Variants in CACNA1D observed in about 807,000 individuals in gnomAD.
The protein encoded by CACNA1D is voltage-dependent L-type calcium channel subunit alpha-1D.
CACNA1D carries 55 observed loss-of-function variants against 257.1 expected under a neutral mutation model. The ratio of observed to expected loss-of-function variants is 0.21; its 90% CI spans 0.17 to 0.27. CACNA1D has a LOEUF of 0.27. CACNA1D is among the 10% of genes least tolerant of loss of function. The pLI is 1.00. For missense variants in CACNA1D, 1,876 were observed against 2,784.0 expected, an observed-to-expected ratio of 0.67 and a Z score of 7.34; for synonymous variants, 980 against 1,014.9, an observed-to-expected ratio of 0.97 and a Z score of 0.65.
chr3:53,776,724 A>C lies in CACNA1D; in HGVS notation c.4484A>C (p.Glu1495Ala). ...FKRIWSEYDP[E>A]AKGRIKHLDV... Reference sequence around the variant, plus strand: ...AGAATATGGTCAGAATATGACCCTGAGGCAAAGTAGGTTGAAAAATATTTG... The same window carrying C: ...AGAATATGGTCAGAATATGACCCTGCGGCAAAGTAGGTTGAAAAATATTTG... Residue 1495 changes from glutamate to alanine, a missense_variant, in exon 36 of 48, where the codon GAG becomes GCG. Glu to Ala is a moderately radical substitution (Grantham distance 107, BLOSUM62 -1). Around this residue, in one of 10 missense-constraint regions of CACNA1D, gnomAD observed 83 missense variants for 210.7 expected, o/e 0.39. Transcript: ENST00000350061. The C allele has an allele frequency of 6.2e-7, 1 of 1,614,202 alleles. No homozygotes were observed. Among genetic ancestry groups the C allele is most frequent in the Non-Finnish European group, 8.5e-7 (1 of 1,180,030 alleles).
At position 53,497,192 on chromosome 3, in the gene CACNA1D, T is replaced by C. The variant is rs1176373212; in HGVS notation, c.108T>C (p.Gly36=). ...GAGGCACCAGACTTCCTCTTTCTGG[T>C]GAAGGACCAACTTCTCAGCCGAATA... ...YARGTRLPLS[G]EGPTSQPNSS... The change falls in exon 2 of 48, where the codon GGT becomes GGC. Residue 36 remains glycine, a synonymous_variant. Coordinates refer to ENST00000350061, the MANE Select transcript of CACNA1D (RefSeq NM_001128840.3). 4.3e-6 allele frequency: 7 copies of C among 1,614,086 alleles called. No individual in the cohort carries two copies. The highest frequency in any genetic ancestry group is 1.1e-5 in the South Asian group (1 of 91,056).
At chr3:53,664,948 A>C (rs1257992502) in intron 5 of CACNA1D, among the ~76,000 whole-genome samples, 1 of 152,182 alleles carries the variant, frequency 6.6e-6, no homozygotes, top group Non-Finnish European at 1.5e-5. Context: ...GATTTACAGC[A>C]GACTTGCAAG....
chr3:53,744,594 G>A lies in CACNA1D; in HGVS notation c.2919-146G>A, dbSNP rs2304577. On this transcript the variant is annotated intron_variant, in intron 22 of 47. Coordinates refer to ENST00000350061, the MANE Select transcript of CACNA1D (RefSeq NM_001128840.3). ...GGGGAGGAGAAGTCGCCTCTGAGTC[G>A]TGAAGAGAGATCAGCTCAGCACCAC... 0.21 allele frequency: 151,367 copies of A among 722,344 alleles called. 21,638 individuals carry two copies. Among genetic ancestry groups the A allele is most frequent in the East Asian group, 0.58 (22,332 of 38,514 alleles). 44.7% of individuals were successfully genotyped at this position (722,344 alleles called of 1,614,324 possible).
chr3:53,539,387 C>A (rs1217450566), intron 3 of CACNA1D, among the ~76,000 whole-genome samples: 1 of 152,212 alleles, frequency 6.6e-6, no homozygotes, highest in Non-Finnish European at 1.5e-5. Flanking sequence ...GGATTACCAG[C>A]ATGAGCCACC....
At chr3:53,600,874 T>C (rs1034099306) in intron 3 of CACNA1D, among the ~76,000 whole-genome samples, 2 of 152,184 alleles carry the variant, frequency 1.3e-5, no homozygotes, top group African/African-American at 2.4e-5. Flanking sequence ...TGGTTCTGAA[T>C]GATTGAAACA....
chr3:53,552,644 G>A (rs1263438583), intron 3 of CACNA1D, among the ~76,000 whole-genome samples: 2 of 152,212 alleles, frequency 1.3e-5, no homozygotes, highest in Non-Finnish European at 2.9e-5. Context: ...GCCTCCCAAA[G>A]TGCTGGGGTT....
At chr3:53,569,956 C>T (rs557943297) in intron 3 of CACNA1D, among the ~76,000 whole-genome samples, 31 of 152,286 alleles carry the variant, frequency 2.0e-4, no homozygotes, top group African/African-American at 7.0e-4. Context: ...AGCATAATCT[C>T]TGGCATATAA....
intron 3 of CACNA1D, among the ~76,000 whole-genome samples, chr3:53,540,602 C>T (rs1283729754): frequency 6.6e-6 from 1 of 151,662 alleles, no homozygotes; most frequent in African/African-American, 2.4e-5. Flanking sequence ...TTTAAATTTC[C>T]TTTAAAAAAA....
chr3:53,665,419 G>GTCCCC (rs948153293), intron 5 of CACNA1D, among the ~76,000 whole-genome samples: 1 of 152,174 alleles, frequency 6.6e-6, no homozygotes, highest in African/African-American at 2.4e-5. Context: ...ACATTGGGCA[G>GTCCCC]TCCCCTCCCT....
intron 3 of CACNA1D, among the ~76,000 whole-genome samples, chr3:53,607,656 A>T (rs767283853): frequency 6.6e-6 from 1 of 152,244 alleles, no homozygotes; most frequent in East Asian, 1.9e-4. Context: ...ATAAGAGTCC[A>T]GACTTATAGT....
At chr3:53,499,749 G>A (rs1192786758) in intron 2 of CACNA1D, among the ~76,000 whole-genome samples, 1 of 152,108 alleles carries the variant, frequency 6.6e-6, no homozygotes, top group Non-Finnish European at 1.5e-5. Flanking sequence ...TATTACTTAG[G>A]TATTGGGAAA....
Position 53,811,429 on chromosome 3 carries a change from C to T in CACNA1D, c.*23C>T. 1 of 1,524,764 alleles carries T rather than the reference C, an allele frequency of 6.6e-7. No homozygotes were observed. Among genetic ancestry groups the T allele is most frequent in the Non-Finnish European group, 8.8e-7 (1 of 1,135,908 alleles). The allele number at this position is 1,524,764 out of a possible 1,614,324, so 94.5% of individuals were successfully genotyped here. A position where few individuals can be genotyped will look rare whatever the true frequency, so the allele number is the denominator to read the frequency against. On this transcript the variant is annotated 3_prime_UTR_variant, in exon 48 of 48. Coordinates refer to ENST00000350061, the MANE Select transcript of CACNA1D (RefSeq NM_001128840.3). The surrounding 1 kb of genome is among the most constrained non-coding windows in gnomAD (Gnocchi z 4.2). ...TAGCCCCCAGCGAGGGGCAGACTGG[C>T]TCTGGCCTCAGGTGGGGCGCAGGAG...
At chr3:53,573,208 T>C (rs1367045919) in intron 3 of CACNA1D, among the ~76,000 whole-genome samples, 3 of 152,228 alleles carry the variant, frequency 2.0e-5, no homozygotes, top group African/African-American at 4.8e-5. Context: ...TATGATTGTT[T>C]ATTAATTGAT....
intron 3 of CACNA1D, among the ~76,000 whole-genome samples, chr3:53,505,463 C>T (rs928632941): frequency 2.0e-5 from 3 of 152,164 alleles, no homozygotes; most frequent in Non-Finnish European, 4.4e-5. Flanking sequence ...AATAGTGAAG[C>T]ATTCTGAATC....
At chr3:53,712,114 A>G (rs1349542235) in intron 9 of CACNA1D, among the ~76,000 whole-genome samples, 1 of 152,246 alleles carries the variant, frequency 6.6e-6, no homozygotes, top group African/African-American at 2.4e-5. Context: ...CTGTCCCCAG[A>G]AAAGAAAACA....
intron 4 of CACNA1D, among the ~76,000 whole-genome samples, chr3:53,659,324 G>A (rs1227524971): frequency 6.6e-6 from 1 of 152,106 alleles, no homozygotes. Flanking sequence ...CCTTACCTTA[G>A]GTAACTGCCT....
chr3:53,682,388 A>AAAC (rs1559509388), intron 8 of CACNA1D, among the ~76,000 whole-genome samples: 95 of 134,112 alleles, frequency 7.1e-4, no homozygotes, highest in African/African-American at 2.6e-3. Context: ...AAAAAAAAAA[A>AAAC]AAAAAAAACA....
intron 33 of CACNA1D, 62 bp downstream of exon 33, chr3:53,772,960 A>G: frequency 7.5e-7 from 1 of 1,329,528 alleles, no homozygotes; most frequent in Non-Finnish European, 1.1e-6. Flanking sequence ...ATCTGTGGCA[A>G]GATGTACCCT....
chr3:53,800,320 C>T lies in CACNA1D; in HGVS notation c.4995C>T (p.Asp1665=), dbSNP rs752839710. Residue 1665 remains aspartate (D), a synonymous_variant, in exon 41 of 48, where the codon GAC becomes GAT. Transcript: ENST00000350061. The surrounding 1 kb of genome is among the most constrained non-coding windows in gnomAD (Gnocchi z 4.3). ...CTATATCGTGTGATTTGCAAGATGA[C>T]GAGCCTGAGGAAACAAAACGAGAAG... ...RRAISCDLQD[D]EPEETKREEE... 9.3e-6 allele frequency: 15 copies of T among 1,613,660 alleles called. No individual in the cohort carries two copies. The highest frequency in any genetic ancestry group is 1.6e-4 in the Middle Eastern group (1 of 6,082).
Sources: gnomAD v4.1 joint callset for allele counts (sites outside exome capture counted in the v4.1 genomes callset) on GRCh38, gnomAD v4.1.1 for gene constraint, gnomAD v4.1.1 regional missense constraint, Gnocchi (gnomAD v3.1) non-coding constraint, MANE v1.5 for transcripts, NCBI Gene and HGNC (gene_info 2026-07-23, HGNC 2026-07-21) for gene names.